ESRRB: variants seen among roughly 807,000 people sequenced by gnomAD.
The protein encoded by ESRRB is steroid hormone receptor ERR2.
A neutral mutation model predicts 46.0 loss-of-function variants in ESRRB; 16 were observed. That is an observed-to-expected ratio of 0.35 (90% CI 0.24 to 0.53). The LOEUF (loss-of-function observed/expected upper bound fraction) is 0.53. Among genes scored for constraint, ESRRB ranks in the 20% least tolerant of loss-of-function variants. The probability of loss-of-function intolerance (pLI) is 0.93; values close to 1 mark genes in which losing one functional copy is unlikely to be tolerated. For missense variants in ESRRB, 488 were observed against 607.4 expected (o/e 0.80, Z 2.07); for synonymous variants, 246 against 259.6 (o/e 0.95, Z 0.50).
chr14:76,419,691 A>G lies in ESRRB; in HGVS notation c.51-19650A>G, dbSNP rs145805051. On this transcript the variant is annotated intron_variant, in intron 1 of 6. Transcript: ENST00000644823. ...GGAAGCACTTTGAAGGTCGTATTCTATATTGATCCTCACAATAACTCCATG... is the reference window on the plus strand; with the variant it reads ...GGAAGCACTTTGAAGGTCGTATTCTGTATTGATCCTCACAATAACTCCATG... Among the ~76,000 whole-genome samples the G allele has an allele frequency of 8.7e-4, 133 of 152,328 alleles. 1 individual carries two copies. Among genetic ancestry groups the G allele is most frequent in the Non-Finnish European group, 2.6e-4 (18 of 68,024 alleles).
At chr14:76,444,720 A>T (rs893779366) in intron 2 of ESRRB, among the ~76,000 whole-genome samples, 7 of 152,146 alleles carry the variant, frequency 4.6e-5, no homozygotes, top group African/African-American at 1.7e-4. Flanking sequence ...AGTGCCCATG[A>T]GTCTACAGGC....
chr14:76,406,494 C>T (rs1886189634), intron 1 of ESRRB, among the ~76,000 whole-genome samples: 1 of 152,102 alleles, frequency 6.6e-6, no homozygotes, highest in Non-Finnish European at 1.5e-5. Flanking sequence ...ACCTGTAATC[C>T]CAGCACTTTG....
intron 1 of ESRRB, among the ~76,000 whole-genome samples, chr14:76,333,459 T>C (rs1365673940): frequency 7.5e-6 from 1 of 133,482 alleles, no homozygotes; most frequent in Non-Finnish European, 1.5e-5. Context: ...GTATATCATA[T>C]ATAAATATAT....
chr14:76,392,097 C>A (rs1050220616), intron 1 of ESRRB, among the ~76,000 whole-genome samples: 3 of 152,196 alleles, frequency 2.0e-5, no homozygotes, highest in East Asian at 3.9e-4. Flanking sequence ...CAGTACTTAG[C>A]GGGTCCCCCA....
At position 76,339,808 on chromosome 14, in the gene ESRRB, A is replaced by G. The variant is rs554233277; in HGVS notation, c.2+28892A>G. Among the ~76,000 whole-genome samples the G allele has an allele frequency of 3.9e-5, 6 of 152,270 alleles. No individual in the cohort carries two copies. In the East Asian group the frequency reaches 1.2e-3, roughly 29 times the overall value. On this transcript the variant is annotated intron_variant, in intron 1 of 6. Coordinates refer to the ESRRB transcript ENST00000512784. ...GGCCCCAGGAATGGTTCAAAAGGCTATGCCGCGTGCCCCGTCACATCGCAC... is the reference window on the plus strand; with the variant it reads ...GGCCCCAGGAATGGTTCAAAAGGCTGTGCCGCGTGCCCCGTCACATCGCAC...
In ESRRB at chr14:76,498,481, C is replaced by T. The variant is rs760266793; in HGVS notation, c.*23C>T. Reference sequence around the variant, plus strand: ...TGATGGCCCCGCACACGGACCAATGCCCACCTACAGACAGACAAACGGACA... The same window carrying T: ...TGATGGCCCCGCACACGGACCAATGTCCACCTACAGACAGACAAACGGACA... On this transcript the variant is annotated 3_prime_UTR_variant, in exon 7 of 7. Coordinates refer to ENST00000644823, the MANE Select transcript of ESRRB (RefSeq NM_001379180.1). 3.7e-6 allele frequency: 6 copies of T among 1,612,974 alleles called. No individual in the cohort carries two copies. Among genetic ancestry groups the T allele is most frequent in the South Asian group, 1.1e-5 (1 of 90,964 alleles).
intron 3 of ESRRB, among the ~76,000 whole-genome samples, chr14:76,480,785 G>A (rs1889776451): frequency 6.6e-6 from 1 of 152,218 alleles, no homozygotes; most frequent in South Asian, 2.1e-4. Context: ...GGCCCTGAAG[G>A]TCAACTGACT....
intron 1 of ESRRB, among the ~76,000 whole-genome samples, chr14:76,411,267 G>A (rs567385872): frequency 1.3e-5 from 2 of 151,932 alleles, no homozygotes; most frequent in African/African-American, 4.8e-5. Context: ...GATCAACATG[G>A]TGAAACCCCA....
chr14:76,392,148 C>A (rs1207925155), intron 1 of ESRRB, among the ~76,000 whole-genome samples: 4 of 152,220 alleles, frequency 2.6e-5, no homozygotes, highest in African/African-American at 9.6e-5. Context: ...GGCCTCCAGG[C>A]GCTGCCCTGG....
At chr14:76,401,310 C>T (rs1029752174) in intron 1 of ESRRB, among the ~76,000 whole-genome samples, 2 of 152,210 alleles carry the variant, frequency 1.3e-5, no homozygotes, top group African/African-American at 4.8e-5. Flanking sequence ...CTTCAGGGAA[C>T]ACCTCAGTGT....
chr14:76,394,674 T>A (rs1566874117), intron 1 of ESRRB, among the ~76,000 whole-genome samples: 1 of 152,206 alleles, frequency 6.6e-6, no homozygotes, highest in Non-Finnish European at 1.5e-5. Flanking sequence ...CCCAGAGCTG[T>A]CTTGCATCTT....
rs1888912134 is a variant in ESRRB at position 76,462,527 on chromosome 14, C to T, written c.461-18C>T. ...TGGGCGGCCAGCACCCGGCAACCCTCTCTGTGTCTGGTTGCAGGGAACATT... is the reference window on the plus strand; with the variant it reads ...TGGGCGGCCAGCACCCGGCAACCCTTTCTGTGTCTGGTTGCAGGGAACATT... On this transcript the variant is annotated intron_variant, in intron 2 of 6. Coordinates refer to ENST00000644823, the MANE Select transcript of ESRRB (RefSeq NM_001379180.1). The T allele has an allele frequency of 6.2e-7, 1 of 1,604,050 alleles. No individual in the cohort carries two copies.
At chr14:76,447,502 C>T (rs1184295884) in intron 2 of ESRRB, among the ~76,000 whole-genome samples, 14 of 152,208 alleles carry the variant, frequency 9.2e-5, no homozygotes, top group Admixed American at 8.5e-4. Context: ...GTCTTGCTGT[C>T]ATCCTCTTCC....
intron 1 of ESRRB, among the ~76,000 whole-genome samples, chr14:76,311,115 C>G (rs1883728052): frequency 1.3e-5 from 2 of 151,918 alleles, no homozygotes; most frequent in South Asian, 4.2e-4. Context: ...CGTTGCCTTT[C>G]TTAGACTGTC....
intron 1 of ESRRB, among the ~76,000 whole-genome samples, chr14:76,330,801 G>C (rs528608484): frequency 2.4e-4 from 36 of 152,306 alleles, no homozygotes; most frequent in African/African-American, 8.2e-4. Flanking sequence ...AGGGAGGCAG[G>C]TCTGGGGGAT....
chr14:76,384,818 G>A (rs1477553570), intron 1 of ESRRB, among the ~76,000 whole-genome samples: 1 of 152,162 alleles, frequency 6.6e-6, no homozygotes, highest in Non-Finnish European at 1.5e-5. Flanking sequence ...GAGAGGCAAA[G>A]TCATCTCTCC....
chr14:76,363,004 C>A (rs1231160827), intron 1 of ESRRB, among the ~76,000 whole-genome samples: 3 of 152,152 alleles, frequency 2.0e-5, no homozygotes, highest in African/African-American at 7.2e-5. Flanking sequence ...AGTGCCTGGT[C>A]ATTTGCAGAG....
intron 1 of ESRRB, among the ~76,000 whole-genome samples, chr14:76,337,558 G>C (rs978425031): frequency 1.9e-4 from 29 of 152,258 alleles, no homozygotes; most frequent in African/African-American, 7.0e-4. Context: ...GTGTGTGGGC[G>C]GGGGCTGGAT....
At chr14:76,340,696 CA>C (rs1029465683) in intron 1 of ESRRB, among the ~76,000 whole-genome samples, 2 of 152,232 alleles carry the variant, frequency 1.3e-5, no homozygotes, top group African/African-American at 4.8e-5. Context: ...AGGCTAAATA[CA>C]AAGTCTGTGC....
Sources: gnomAD v4.1 joint callset for allele counts (sites outside exome capture counted in the v4.1 genomes callset) on GRCh38, gnomAD v4.1.1 for gene constraint, MANE v1.5 for transcripts, NCBI Gene and HGNC (gene_info 2026-07-23, HGNC 2026-07-21) for gene names.